Variants in EIF2AK4 observed in about 807,000 individuals in gnomAD.
The protein encoded by EIF2AK4 is eukaryotic translation initiation factor 2 alpha kinase 4, also known as eIF-2-alpha kinase GCN2.
A neutral mutation model predicts 211.1 loss-of-function variants in EIF2AK4; 139 were observed. That is an observed-to-expected ratio of 0.66 (90% confidence interval 0.57 to 0.76). The LOEUF (loss-of-function observed/expected upper bound fraction) is 0.76. Among genes scored for constraint, EIF2AK4 ranks in the 30% least tolerant of loss-of-function variants. The probability of loss-of-function intolerance (pLI) is 0.00; values close to 1 mark genes in which losing one functional copy is unlikely to be tolerated. For synonymous variants in EIF2AK4, 710 were observed against 751.3 expected, an observed-to-expected ratio of 0.94 and a Z score of 0.90; for missense variants, 1,664 against 2,043.8, an observed-to-expected ratio of 0.81 and a Z score of 3.58.
chr15:40,022,551 T>C lies in EIF2AK4; in HGVS notation c.4335T>C (p.His1445=), dbSNP rs374991718. 131 of 1,614,210 alleles carry C rather than the reference T, an allele frequency of 8.1e-5. 1 individual carries two copies. The African/African-American group carries it at 1.5e-3, about 18-fold the overall frequency. Residue 1445 remains histidine, a synonymous_variant, in exon 32 of 39, where the codon CAT becomes CAC. Transcript: ENST00000263791. ...AGGAATTACAAGAGTACTGCAGACA[T>C]CATGAAATCACCTATGTGGCCCTTG... ...SQEELQEYCR[H]HEITYVALVS...
At chr15:39,935,081 A>C (rs2034044603) in intron 1 of EIF2AK4, among the ~76,000 whole-genome samples, 1 of 152,216 alleles carries the variant, frequency 6.6e-6, no homozygotes, top group East Asian at 1.9e-4. Flanking sequence ...CAATGTTTTA[A>C]GAAAGTTTAC....
Position 39,976,611 on chromosome 15 carries a change from C to G in EIF2AK4, c.2016C>G (p.Ser672=), listed in dbSNP as rs757912696. The change falls in exon 12 of 39, where the codon TCC becomes TCG. Residue 672 remains serine, a synonymous_variant. Transcript: ENST00000263791. ...PAGPGTPPPD[S]GPLAKDDRAA... ...GACCGGGGACGCCGCCCCCGGACTC[C>G]GGGCCCCTGGCCAAGGATGACCGAG... The G allele has an allele frequency of 1.2e-6, 2 of 1,607,676 alleles. No individual in the cohort carries two copies. The highest frequency in any genetic ancestry group is 1.7e-5 in the Admixed American group (1 of 59,642).
At chr15:39,994,168 C>T (rs186359104) in intron 18 of EIF2AK4, among the ~76,000 whole-genome samples, 18 of 152,184 alleles carry the variant, frequency 1.2e-4, no homozygotes, top group East Asian at 3.9e-4. Flanking sequence ...TTAGAGATTT[C>T]GAGTAGATTG....
intron 25 of EIF2AK4, among the ~76,000 whole-genome samples, chr15:40,008,803 T>A (rs140458609): frequency 3.3e-4 from 50 of 152,226 alleles, no homozygotes; most frequent in African/African-American, 1.2e-3. Context: ...CTACCTTGAG[T>A]TATGTTCATT....
At chr15:39,962,541 C>T (rs1184163903) in intron 7 of EIF2AK4, among the ~76,000 whole-genome samples, 1 of 152,100 alleles carries the variant, frequency 6.6e-6, no homozygotes, top group East Asian at 1.9e-4. Flanking sequence ...TCACTGTAAC[C>T]TCAAACTCCT....
At position 39,973,465 on chromosome 15, in the gene EIF2AK4, A is replaced by T. The variant is rs755671840; in HGVS notation, c.1661-127A>T. The T allele has an allele frequency of 3.3e-4, 322 of 963,760 alleles. 1 individual carries two copies. Among genetic ancestry groups the T allele is most frequent in the Non-Finnish European group, 4.8e-4 (310 of 644,356 alleles). The allele number at this position is 963,760 out of a possible 1,614,324, so 59.7% of individuals were successfully genotyped here. A position where few individuals can be genotyped will look rare whatever the true frequency, so the allele number is the denominator to read the frequency against. On this transcript the variant is annotated intron_variant, in intron 10 of 38. Transcript: ENST00000263791. ...GAGGAAAAGTTTTAAAAGGCCACTC[A>T]GGTAAGAGGTAATTTTTCAAACTAC...
At chr15:39,959,473 C>T (rs923233812) in intron 6 of EIF2AK4, among the ~76,000 whole-genome samples, 1 of 152,172 alleles carries the variant, frequency 6.6e-6, no homozygotes, top group Non-Finnish European at 1.5e-5. Flanking sequence ...CCACATTTGT[C>T]GTTTTCTTAC....
intron 15 of EIF2AK4, among the ~76,000 whole-genome samples, chr15:39,989,381 CAT>C (rs1566996065): frequency 1.3e-5 from 2 of 152,176 alleles, no homozygotes; most frequent in Admixed American, 1.3e-4. Context: ...GTAATTTACA[CAT>C]GTGTAGTTTG....
intron 37 of EIF2AK4, 94 bp from the exon 38 acceptor site, chr15:40,034,232 G>C (rs561750740): frequency 1.9e-5 from 17 of 913,768 alleles, no homozygotes; most frequent in Non-Finnish European, 2.6e-5. Flanking sequence ...TACTTGAAGA[G>C]GGAAATGACA....
chr15:40,022,797 A>C (rs143471522), intron 32 of EIF2AK4, among the ~76,000 whole-genome samples, 192 bp downstream of exon 32: 1 of 151,776 alleles, frequency 6.6e-6, no homozygotes, highest in Non-Finnish European at 1.5e-5. Context: ...GCAATGACGC[A>C]ATCTCGGCTC....
chr15:39,996,809 A>G (rs989829921), intron 18 of EIF2AK4, among the ~76,000 whole-genome samples, 155 bp from the exon 19 acceptor site: 9 of 152,258 alleles, frequency 5.9e-5, no homozygotes, highest in Admixed American at 5.9e-4. Flanking sequence ...CTTTATAACC[A>G]TAATTTTTAA....
intron 5 of EIF2AK4, 92 bp downstream of exon 5, chr15:39,954,076 C>T: frequency 9.3e-7 from 1 of 1,073,972 alleles, no homozygotes; most frequent in Non-Finnish European, 1.3e-6. Flanking sequence ...ATCAGTAATA[C>T]AGCTTAAAAT....
intron 18 of EIF2AK4, among the ~76,000 whole-genome samples, chr15:39,995,203 C>A (rs938340625): frequency 6.6e-6 from 1 of 152,016 alleles, no homozygotes; most frequent in Non-Finnish European, 1.5e-5. Flanking sequence ...TAATAAATAT[C>A]CCTGAGTGGT....
chr15:39,990,694 T>TAAAA (rs1281612327), intron 16 of EIF2AK4, among the ~76,000 whole-genome samples: 2 of 152,272 alleles, frequency 1.3e-5, no homozygotes, highest in Non-Finnish European at 2.9e-5. Flanking sequence ...AGATGCTTTA[T>TAAAA]ACCTCAGAGG....
intron 2 of EIF2AK4, 23 bp from the exon 3 acceptor site, chr15:39,943,351 CTTTTTTTTT>C: frequency 8.1e-6 from 7 of 864,016 alleles, no homozygotes; most frequent in East Asian, 7.3e-5. Context: ...TGGAGTAACT[CTTTTTTTTT>C]TTTTTTTTTT....
At position 39,973,714 on chromosome 15, in the gene EIF2AK4, C is replaced by T. The variant is rs1385365243; in HGVS notation, c.1783C>T (p.Leu595Phe). 6.2e-7 allele frequency: 1 copy of T among 1,614,138 alleles called. No individual in the cohort carries two copies. The highest frequency in any genetic ancestry group is 1.7e-5 in the Admixed American group (1 of 60,026). The stretch of plus-strand genomic sequence containing the variant: ...CTTCATTGAGTTTGAAGAATTACAA[C>T]TTCTTGGTAAAGGAGCTTTTGGAGC... The part of the protein sequence containing the change: ...RYFIEFEELQ[L>F]LGKGAFGAVI... Residue 595 changes from leucine to phenylalanine, a missense_variant, in exon 11 of 39, where the codon CTT becomes TTT. Physicochemically the swap from Leu to Phe is conservative, Grantham distance 22. Coordinates refer to ENST00000263791, the MANE Select transcript of EIF2AK4 (RefSeq NM_001013703.4).
intron 35 of EIF2AK4, among the ~76,000 whole-genome samples, chr15:40,031,968 C>CA (rs2035550057): frequency 6.6e-6 from 1 of 152,192 alleles, no homozygotes; most frequent in East Asian, 1.9e-4. Context: ...TCAGGTGATC[C>CA]CCCAGCCTTG....
Position 39,972,944 on chromosome 15 carries a change from C to G in EIF2AK4, c.1590C>G (p.Pro530=), listed in dbSNP as rs2140916320. 1 of 1,614,022 alleles carries G rather than the reference C, an allele frequency of 6.2e-7. No individual in the cohort carries two copies. Residue 530 remains proline (P), a synonymous_variant, in exon 10 of 39, where the codon CCC becomes CCG. Transcript: ENST00000263791. The part of the protein sequence containing the change: ...VCLDDKERWS[P]QQLLKHSFIN... ...TGGATGACAAGGAAAGATGGAGTCC[C>G]CAGCAGTTGTTGAAACACAGCTTTA...
chr15:39,966,777 T>C (rs2034549951), intron 8 of EIF2AK4, among the ~76,000 whole-genome samples: 2 of 152,174 alleles, frequency 1.3e-5, no homozygotes, highest in Admixed American at 1.3e-4. Context: ...AGATAACATG[T>C]GGGTATTTTC....
Sources: gnomAD v4.1 joint callset for allele counts (sites outside exome capture counted in the v4.1 genomes callset) on GRCh38, gnomAD v4.1.1 for gene constraint, MANE v1.5 for transcripts, NCBI Gene and HGNC (gene_info 2026-07-23, HGNC 2026-07-21) for gene names.